The following SNTG1 variants were observed in gnomAD, a reference collection of about 807,000 sequenced individuals.
SNTG1 encodes the protein syntrophin gamma 1, also known as gamma-1-syntrophin.
A neutral mutation model predicts 74.7 loss-of-function variants in SNTG1; 39 were observed. The ratio of observed to expected loss-of-function variants is 0.52; its 90% CI spans 0.40 to 0.68. SNTG1 has a LOEUF of 0.68. Ranked by LOEUF, SNTG1 falls within the 30% of genes least tolerant of loss-of-function variation. SNTG1 has a pLI of 0.00. For synonymous variants in SNTG1, 254 were observed against 217.1 expected (o/e 1.17, Z -1.49); for missense variants, 685 against 609.5 (o/e 1.12, Z -1.30).
At chr8:50,040,947 A>C (rs947194376) in intron 1 of SNTG1, among the ~76,000 whole-genome samples, 1 of 151,820 alleles carries the variant, frequency 6.6e-6, no homozygotes, top group Non-Finnish European at 1.5e-5. Flanking sequence ...CCCAGGCTGG[A>C]GTGTAATGGC....
rs190523400 is a variant in SNTG1, at chr8:50,213,599, T to C, written c.-28+40964T>C. 1.9e-3 allele frequency among the ~76,000 whole-genome samples: 287 copies of C among 152,256 alleles called. 1 individual carries two copies. Among genetic ancestry groups the C allele is most frequent in the African/African-American group, 5.7e-3 (238 of 41,554 alleles). ...ATCCTCTCCAGCACCTGTTGTTTCC[T>C]GACTTTTTAATGATTGCCATTCTAA... is the stretch of plus-strand genomic sequence containing the variant. On this transcript the variant is annotated intron_variant, in intron 2 of 18. Coordinates refer to ENST00000642720, the MANE Select transcript of SNTG1 (RefSeq NM_018967.5).
At chr8:50,468,568 T>A (rs1466962290) in intron 8 of SNTG1, among the ~76,000 whole-genome samples, 1 of 152,140 alleles carries the variant, frequency 6.6e-6, no homozygotes, top group African/African-American at 2.4e-5. Context: ...TAGAGTTGGG[T>A]CTTTTATATT....
chr8:50,602,653 C>T (rs984410217), intron 13 of SNTG1, among the ~76,000 whole-genome samples: 2 of 152,038 alleles, frequency 1.3e-5, no homozygotes, highest in Non-Finnish European at 2.9e-5. Flanking sequence ...TCTTTCATGT[C>T]GACAAACTGC....
intron 1 of SNTG1, among the ~76,000 whole-genome samples, chr8:49,962,965 G>A (rs768338307): frequency 4.8e-4 from 73 of 152,274 alleles, no homozygotes; most frequent in Non-Finnish European, 9.6e-4. Context: ...AGGAGCAGGG[G>A]TACAGCCAGG....
intron 1 of SNTG1, among the ~76,000 whole-genome samples, chr8:50,094,851 T>G (rs909405225): frequency 3.9e-5 from 6 of 152,164 alleles, no homozygotes. Flanking sequence ...AAAGGACACA[T>G]GCACTCCTAT....
chr8:50,460,966 T>G (rs1355976893), intron 8 of SNTG1, among the ~76,000 whole-genome samples: 1 of 152,168 alleles, frequency 6.6e-6, no homozygotes, highest in Non-Finnish European at 1.5e-5. Flanking sequence ...AGTTTGCACT[T>G]TATTCAGATT....
At chr8:50,703,910 T>C (rs767277413) in intron 15 of SNTG1, among the ~76,000 whole-genome samples, 5 of 152,174 alleles carry the variant, frequency 3.3e-5, no homozygotes, top group Admixed American at 3.3e-4. Context: ...AAATGCTATA[T>C]CTGACATGTT....
At chr8:50,104,396 T>A (rs1254016480) in intron 1 of SNTG1, among the ~76,000 whole-genome samples, 2 of 152,214 alleles carry the variant, frequency 1.3e-5, no homozygotes, top group African/African-American at 4.8e-5. Flanking sequence ...TTCTGTGGGA[T>A]CGGTGCTGAT....
intron 8 of SNTG1, among the ~76,000 whole-genome samples, chr8:50,496,853 G>T (rs1159290972): frequency 1.3e-5 from 2 of 151,650 alleles, no homozygotes; most frequent in African/African-American, 4.8e-5. Flanking sequence ...AGGACAACTG[G>T]ATTTATTGGT....
At chr8:50,486,796 A>G (rs903301036) in intron 8 of SNTG1, among the ~76,000 whole-genome samples, 1 of 151,656 alleles carries the variant, frequency 6.6e-6, no homozygotes, top group Non-Finnish European at 1.5e-5. Context: ...TTTGTCATAG[A>G]TAGCTCTTAT....
intron 8 of SNTG1, among the ~76,000 whole-genome samples, chr8:50,495,232 A>G (rs2093893434): frequency 6.6e-6 from 1 of 152,130 alleles, no homozygotes; most frequent in East Asian, 1.9e-4. Flanking sequence ...TCATTTCTAC[A>G]TATTTATGAA....
intron 13 of SNTG1, among the ~76,000 whole-genome samples, chr8:50,631,798 T>G (rs1166518315): frequency 6.6e-6 from 1 of 152,214 alleles, no homozygotes; most frequent in African/African-American, 2.4e-5. Flanking sequence ...TTAAGAGACC[T>G]ATTCATCCCA....
At chr8:50,143,748 A>T (rs986735334) in intron 1 of SNTG1, among the ~76,000 whole-genome samples, 1 of 152,142 alleles carries the variant, frequency 6.6e-6, no homozygotes, top group African/African-American at 2.4e-5. Flanking sequence ...AGTATAATGG[A>T]TATGTCACAT....
chr8:50,056,770 G>A (rs755174089), intron 1 of SNTG1, among the ~76,000 whole-genome samples: 7 of 152,176 alleles, frequency 4.6e-5, no homozygotes, highest in Non-Finnish European at 7.3e-5. Context: ...TTCCAACAAT[G>A]TCAAGCAAGA....
At chr8:50,384,609 G>A (rs1370593328) in intron 2 of SNTG1, among the ~76,000 whole-genome samples, 1 of 152,124 alleles carries the variant, frequency 6.6e-6, no homozygotes, top group Non-Finnish European at 1.5e-5. Context: ...ACTCAGCAGT[G>A]GCTGTAACCA....
At chr8:50,572,273 T>TAGAGAGAG (rs1417802263) in intron 12 of SNTG1, among the ~76,000 whole-genome samples, 2 of 146,304 alleles carry the variant, frequency 1.4e-5, no homozygotes, top group Non-Finnish European at 3.0e-5. Flanking sequence ...TATATATATA[T>TAGAGAGAG]ATAGAGAGAG....
At chr8:50,738,633 G>A (rs1220933473) in intron 17 of SNTG1, among the ~76,000 whole-genome samples, 1 of 152,030 alleles carries the variant, frequency 6.6e-6, no homozygotes, top group Non-Finnish European at 1.5e-5. Context: ...AAAGCTGGAG[G>A]CATCATGATA....
Position 50,448,428 on chromosome 8 carries a change from T to C in SNTG1, c.220-1240T>C, listed in dbSNP as rs546658094. 2.0e-5 allele frequency among the ~76,000 whole-genome samples: 3 copies of C among 152,270 alleles called. No homozygotes were observed. The South Asian group carries it at 6.2e-4, about 32-fold the overall frequency. ...ATGCAAGGGAAAAAAGAATATCTCT[T>C]CCAAAATAATTTTTTATACTTGAAA... is the stretch of plus-strand genomic sequence containing the variant. On this transcript the variant is annotated intron_variant, in intron 5 of 18. Coordinates refer to ENST00000642720, the MANE Select transcript of SNTG1 (RefSeq NM_018967.5).
At chr8:50,201,725 T>C (rs1317614455) in intron 2 of SNTG1, among the ~76,000 whole-genome samples, 1 of 152,174 alleles carries the variant, frequency 6.6e-6, no homozygotes, top group Non-Finnish European at 1.5e-5. Context: ...CAAACATAAG[T>C]GTGTATATTC....
Sources: allele counts gnomAD v4.1 joint callset (sites outside exome capture counted in the v4.1 genomes callset), GRCh38; gene constraint gnomAD v4.1.1; transcripts MANE v1.5; gene names NCBI Gene and HGNC (gene_info 2026-07-23, HGNC 2026-07-21).